Variants in LCORL observed in about 807,000 individuals in gnomAD.
The protein encoded by LCORL is ligand-dependent nuclear receptor corepressor-like protein.
LCORL carries 41 observed loss-of-function variants against 141.8 expected under a neutral mutation model. That is an observed-to-expected ratio of 0.29 (90% CI 0.23 to 0.38). The LOEUF (loss-of-function observed/expected upper bound fraction) is 0.38. LCORL is among the 10% of genes least tolerant of loss of function. The pLI is 1.00. For missense variants in LCORL, 1,759 were observed against 2,035.0 expected (o/e 0.86, Z 2.61); for synonymous variants, 618 against 694.1 (o/e 0.89, Z 1.72).
chr4:17,848,553 A>C (rs2109091417), intron 7 of LCORL, among the ~76,000 whole-genome samples: 1 of 152,352 alleles, frequency 6.6e-6, no homozygotes, highest in Middle Eastern at 3.4e-3. Context: ...GCTGGAGCCA[A>C]GATGGCCAAA....
chr4:17,918,573 T>C (rs1733807645), intron 4 of LCORL, among the ~76,000 whole-genome samples: 1 of 151,806 alleles, frequency 6.6e-6, no homozygotes, highest in Non-Finnish European at 1.5e-5. Context: ...AAATGAAAAA[T>C]TCACTAGATA....
At chr4:17,990,273 T>G (rs1187881905) in intron 1 of LCORL, among the ~76,000 whole-genome samples, 1 of 151,856 alleles carries the variant, frequency 6.6e-6, no homozygotes, top group African/African-American at 2.4e-5. Flanking sequence ...TAATTTTTTG[T>G]ATTTTTAGTA....
intron 1 of LCORL, among the ~76,000 whole-genome samples, chr4:17,995,185 C>A (rs1220081488): frequency 6.6e-6 from 1 of 150,526 alleles, no homozygotes; most frequent in African/African-American, 2.5e-5. Context: ...TTCAGGGTAA[C>A]CACTACCTTT....
rs560477677 is a variant in LCORL at position 17,990,679 on chromosome 4, C to T, written c.155-17794G>A. Among the ~76,000 whole-genome samples the T allele has an allele frequency of 4.1e-3, 540 of 130,712 alleles. 8 individuals carry two copies. Among genetic ancestry groups the T allele is most frequent in the Non-Finnish European group, 6.6e-3 (423 of 63,654 alleles). The allele number at this position is 130,712 out of a possible 152,430, so 85.8% of individuals were successfully genotyped here. On this transcript the variant is annotated intron_variant, in intron 1 of 7. Coordinates refer to ENST00000635767, the Ensembl canonical transcript of LCORL. The stretch of plus-strand genomic sequence containing the variant: ...TTTTTTTAGAGAATTCTTTTTATTA[C>T]AAGTGAACAGGTACAGGTAAGCAGG...
At chr4:17,966,594 A>C (rs963587642) in intron 2 of LCORL, among the ~76,000 whole-genome samples, 1 of 152,168 alleles carries the variant, frequency 6.6e-6, no homozygotes, top group Non-Finnish European at 1.5e-5. Flanking sequence ...ATATGTCTTC[A>C]CTTACTCTAC....
At position 17,896,314 on chromosome 4, in the gene LCORL, G is replaced by A. The variant is rs377389657; in HGVS notation, c.683-10153C>T. Among the ~76,000 whole-genome samples, 7 of 150,386 alleles carry A rather than the reference G, an allele frequency of 4.7e-5. 1 individual carries two copies. The East Asian group carries it at 5.9e-4, about 13-fold the overall frequency. On this transcript the variant is annotated intron_variant, in intron 5 of 7. Transcript: ENST00000635767. Reference sequence around the variant, plus strand: ...TCTCTCTCTTTCAAGAGGGAGTTTCGCTCTTGTTGCCCAGGCTGGAGTGCA... The same window carrying A: ...TCTCTCTCTTTCAAGAGGGAGTTTCACTCTTGTTGCCCAGGCTGGAGTGCA...
intron 1 of LCORL, among the ~76,000 whole-genome samples, chr4:18,019,966 T>TA (rs1156985359): frequency 6.6e-6 from 1 of 152,238 alleles, no homozygotes; most frequent in Non-Finnish European, 1.5e-5. Flanking sequence ...GGTTTTTTTT[T>TA]ACACTTCATA....
intron 1 of LCORL, among the ~76,000 whole-genome samples, chr4:17,996,596 T>C (rs1392478606): frequency 2.0e-5 from 3 of 152,126 alleles, no homozygotes; most frequent in East Asian, 3.8e-4. Flanking sequence ...TTCAATTTCA[T>C]CTGTCATATT....
intron 1 of LCORL, among the ~76,000 whole-genome samples, chr4:17,993,454 C>G (rs1289293900): frequency 2.0e-4 from 30 of 152,218 alleles, no homozygotes; most frequent in South Asian, 2.1e-4. Context: ...ATCCTCCCGC[C>G]TCAGCCTCCC....
intron 1 of LCORL, among the ~76,000 whole-genome samples, chr4:18,014,838 T>C (rs1297888640): frequency 6.6e-6 from 1 of 152,192 alleles, no homozygotes; most frequent in East Asian, 1.9e-4. Context: ...CTAGATTGCA[T>C]TGTGAATAAA....
intron 1 of LCORL, among the ~76,000 whole-genome samples, chr4:18,003,243 AAGG>A (rs1256080521): frequency 6.6e-6 from 1 of 152,222 alleles, no homozygotes; most frequent in African/African-American, 2.4e-5. Flanking sequence ...GAGAGAATAA[AAGG>A]AGAAGACAGG....
exon 7 of LCORL, chr4:17,877,512 T>C (rs947139957): frequency 2.0e-5 from 24 of 1,230,172 alleles, no homozygotes; most frequent in Middle Eastern, 3.1e-4. Flanking sequence ...AAGTATTTTA[T>C]CTTGATGATC....
chr4:17,844,466 T>G (rs1560240111), exon 8 of LCORL: 1 of 152,422 alleles, frequency 6.6e-6, no homozygotes, highest in Non-Finnish European at 1.5e-5. Flanking sequence ...AGATCACTGG[T>G]TTTTAGAACC....
intron 4 of LCORL, among the ~76,000 whole-genome samples, chr4:17,923,010 T>G (rs2109382283): frequency 6.6e-6 from 1 of 152,256 alleles, no homozygotes; most frequent in East Asian, 1.9e-4. Flanking sequence ...ACGATTCTCC[T>G]CAGGACCCAA....
At chr4:17,964,390 A>C (rs1452547347) in intron 2 of LCORL, among the ~76,000 whole-genome samples, 3 of 152,136 alleles carry the variant, frequency 2.0e-5, no homozygotes, top group Admixed American at 2.0e-4. Context: ...AAAATACTTT[A>C]TAAACTATGA....
chr4:17,864,888 A>G (rs1347325888), intron 7 of LCORL, among the ~76,000 whole-genome samples: 1 of 152,232 alleles, frequency 6.6e-6, no homozygotes, highest in Non-Finnish European at 1.5e-5. Context: ...AGTAAGGAAC[A>G]TTTCCAGGAT....
chr4:17,972,425 T>A (rs929356504), intron 2 of LCORL, among the ~76,000 whole-genome samples: 4 of 151,804 alleles, frequency 2.6e-5, no homozygotes, highest in Non-Finnish European at 5.9e-5. Context: ...AGAAGGCAAT[T>A]ATTCAATTGA....
intron 5 of LCORL, among the ~76,000 whole-genome samples, chr4:17,899,108 T>C (rs1423167854): frequency 6.6e-6 from 1 of 152,216 alleles, no homozygotes; most frequent in Non-Finnish European, 1.5e-5. Context: ...ATTATGCTCA[T>C]TTTTCTATCA....
chr4:17,878,147 T>A, exon 7 of LCORL: 1 of 1,230,342 alleles, frequency 8.1e-7, no homozygotes, highest in Non-Finnish European at 1.0e-6. Flanking sequence ...ATTCCAAAAC[T>A]TTGTTTAATG....
Sources: gnomAD v4.1 joint callset for allele counts (sites outside exome capture counted in the v4.1 genomes callset) on GRCh38, gnomAD v4.1.1 for gene constraint, MANE v1.5 for transcripts, NCBI Gene and HGNC (gene_info 2026-07-23, HGNC 2026-07-21) for gene names.